PCDH15: variants seen among roughly 807,000 people sequenced by gnomAD.
PCDH15 encodes protocadherin-15.
A neutral mutation model predicts 178.5 loss-of-function variants in PCDH15; 129 were observed. That is an observed-to-expected ratio of 0.72 (90% CI 0.63 to 0.84). The LOEUF is 0.84. Among genes scored for constraint, PCDH15 ranks in the 40% least tolerant of loss-of-function variants. The pLI, the probability that PCDH15 is intolerant of heterozygous loss-of-function variation, is 0.00. For synonymous variants in PCDH15, 800 were observed against 732.0 expected (o/e 1.09, Z -1.50); for missense variants, 2,230 against 2,099.9 (o/e 1.06, Z -1.21).
At position 54,580,157 on chromosome 10, in the gene PCDH15, C is replaced by CATACAAA. The variant is rs1170247313; in HGVS notation, c.92-52287_92-52281dup. Among the ~76,000 whole-genome samples the CATACAAA allele has an allele frequency of 3.9e-5, 6 of 151,972 alleles. No homozygotes were observed. The East Asian group carries it at 1.2e-3, about 29-fold the overall frequency. The stretch of plus-strand genomic sequence containing the variant: ...TGAATGAAGTAGAGACCCAATAATC[C>CATACAAA]ATACAAAAGATCAACAAGACCAAAA... On this transcript the variant is annotated intron_variant, in intron 2 of 37. Coordinates refer to ENST00000644397, the MANE Select transcript of PCDH15 (RefSeq NM_001384140.1).
At chr10:55,458,520 C>T (rs56027359) in intron 2 of PCDH15, among the ~76,000 whole-genome samples, 5,803 of 152,068 alleles carry the variant, frequency 0.038, 166 homozygotes, top group Non-Finnish European at 0.064. Flanking sequence ...CATGACATTG[C>T]AAACAGCCTA....
rs931331549 is a variant in PCDH15 at position 55,195,845 on chromosome 10, T to G, written c.-155-29194A>C. Among the ~76,000 whole-genome samples the G allele has an allele frequency of 4.6e-5, 7 of 152,082 alleles. No individual in the cohort carries two copies. The South Asian group carries it at 1.0e-3, about 22-fold the overall frequency. ...CATCTGTGCTTCCATTTTGAAATAATACTTGAAATCCCACTGTTTATCTTA... is the reference window on the plus strand; with the variant it reads ...CATCTGTGCTTCCATTTTGAAATAAGACTTGAAATCCCACTGTTTATCTTA... On this transcript the variant is annotated intron_variant, in intron 1 of 5. Coordinates refer to the PCDH15 transcript ENST00000458638.
intron 1 of PCDH15, among the ~76,000 whole-genome samples, chr10:54,763,753 A>AT (rs1948173667): frequency 6.8e-6 from 1 of 146,250 alleles, no homozygotes; most frequent in African/African-American, 2.5e-5. Context: ...GTACTATATA[A>AT]ATATATATAT....
At chr10:55,602,331 A>G (rs1024911568) in intron 2 of PCDH15, among the ~76,000 whole-genome samples, 2 of 142,568 alleles carry the variant, frequency 1.4e-5, no homozygotes, top group Non-Finnish European at 3.1e-5. Context: ...ACAATTGCCC[A>G]GGCTTGCTTA....
At chr10:54,886,167 G>A (rs1307225285) in intron 3 of PCDH15, among the ~76,000 whole-genome samples, 2 of 148,490 alleles carry the variant, frequency 1.3e-5, no homozygotes, top group African/African-American at 5.3e-5. Context: ...AATGGCAGTA[G>A]GTTCAAAGAT....
At position 55,233,891 on chromosome 10, in the gene PCDH15, C is replaced by T. The variant is rs531428779; in HGVS notation, c.-155-67240G>A. 1.2e-4 allele frequency among the ~76,000 whole-genome samples: 18 copies of T among 151,994 alleles called. No homozygotes were observed. In the South Asian group the frequency reaches 3.5e-3, roughly 30 times the overall value. ...TACTGTTATCCACAATGAGACCACC[C>T]CCAAAAATGATTGTGACAAAATGAA... On this transcript the variant is annotated intron_variant, in intron 1 of 5. Coordinates refer to the PCDH15 transcript ENST00000458638.
intron 2 of PCDH15, among the ~76,000 whole-genome samples, chr10:55,036,923 A>G (rs1487863048): frequency 6.6e-6 from 1 of 152,212 alleles, no homozygotes; most frequent in South Asian, 2.1e-4. Context: ...AACTAGTTAC[A>G]GCAAGCTGGT....
chr10:53,971,545 T>C (rs951828712), intron 21 of PCDH15, among the ~76,000 whole-genome samples: 2 of 152,274 alleles, frequency 1.3e-5, no homozygotes, highest in East Asian at 3.9e-4. Context: ...AACCCCATCA[T>C]CTCAGCCCAA....
At chr10:55,294,898 T>A (rs1045975492) in intron 1 of PCDH15, among the ~76,000 whole-genome samples, 1 of 152,290 alleles carries the variant, frequency 6.6e-6, no homozygotes, top group African/African-American at 2.4e-5. Flanking sequence ...TCATTATATT[T>A]TTCCGTATTA....
At chr10:54,820,211 C>T (rs2133739290) in intron 3 of PCDH15, among the ~76,000 whole-genome samples, 1 of 152,076 alleles carries the variant, frequency 6.6e-6, no homozygotes, top group South Asian at 2.1e-4. Flanking sequence ...TGTGTAACTA[C>T]CTTTGCTTTC....
At chr10:54,853,310 T>TACACACACATATACAC (rs1453779024) in intron 3 of PCDH15, among the ~76,000 whole-genome samples, 3 of 99,164 alleles carry the variant, frequency 3.0e-5, no homozygotes, top group African/African-American at 4.5e-5. Context: ...TATATATATA[T>TACACACACATATACAC]ATATATATAC....
intron 13 of PCDH15, among the ~76,000 whole-genome samples, chr10:54,169,078 A>T (rs187489844): frequency 0.024 from 3,623 of 152,108 alleles, 56 homozygotes; most frequent in Middle Eastern, 0.054. Context: ...GCAGCCCGGG[A>T]TTCCTCCTAA....
chr10:54,397,219 TTG>T (rs1303489643), intron 3 of PCDH15, among the ~76,000 whole-genome samples: 3 of 152,102 alleles, frequency 2.0e-5, no homozygotes, highest in Non-Finnish European at 4.4e-5. Context: ...TCCCAGCCAC[TTG>T]TGAGTTTTAT....
intron 21 of PCDH15, among the ~76,000 whole-genome samples, chr10:53,981,735 T>A (rs1273706549): frequency 1.3e-5 from 2 of 150,640 alleles, no homozygotes; most frequent in East Asian, 1.9e-4. Context: ...AACCTAGGCA[T>A]TACCATTCAG....
chr10:54,019,243 C>T (rs1484875098), intron 20 of PCDH15, among the ~76,000 whole-genome samples: 1 of 152,036 alleles, frequency 6.6e-6, no homozygotes, highest in Non-Finnish European at 1.5e-5. Context: ...AGTGAATGAA[C>T]TTTTACTTTA....
intron 2 of PCDH15, among the ~76,000 whole-genome samples, chr10:55,021,364 T>C (rs1375853233): frequency 1.3e-5 from 2 of 152,170 alleles, no homozygotes; most frequent in East Asian, 1.9e-4. Flanking sequence ...ACTACTGTTA[T>C]TTTCCACCAA....
chr10:54,479,131 A>C (rs1433973507), intron 3 of PCDH15, among the ~76,000 whole-genome samples: 1 of 152,048 alleles, frequency 6.6e-6, no homozygotes, highest in Non-Finnish European at 1.5e-5. Context: ...TTTTATTTAA[A>C]ATTTCAGACC....
At chr10:53,825,251 A>G (rs903611086) in intron 32 of PCDH15, 31 of 1,313,028 alleles carry the variant, frequency 2.4e-5, no homozygotes, top group Admixed American at 3.1e-5. Flanking sequence ...TGCTTTAAAC[A>G]AACACTTAGT....
chr10:54,547,542 C>G (rs1342279077), intron 2 of PCDH15, among the ~76,000 whole-genome samples: 3 of 152,118 alleles, frequency 2.0e-5, no homozygotes, highest in Non-Finnish European at 4.4e-5. Context: ...ATTTACACAG[C>G]ACAAATTCTG....
Sources: allele counts gnomAD v4.1 joint callset (sites outside exome capture counted in the v4.1 genomes callset), GRCh38; gene constraint gnomAD v4.1.1; transcripts MANE v1.5; gene names NCBI Gene and HGNC (gene_info 2026-07-23, HGNC 2026-07-21).